Variants in SLC22A23 observed in about 807,000 individuals in gnomAD.
SLC22A23 encodes ion transporter protein.
In SLC22A23, 26 loss-of-function variants were observed where a neutral mutation model predicts 61.0. The observed-to-expected ratio is 0.43, with a 90% CI of 0.31 to 0.59. The LOEUF (loss-of-function observed/expected upper bound fraction) is 0.59. Ranked by LOEUF, SLC22A23 falls within the 20% of genes least tolerant of loss-of-function variation. The pLI, the probability that SLC22A23 is intolerant of heterozygous loss-of-function variation, is 0.11. For missense variants in SLC22A23, 796 were observed against 934.7 expected (o/e 0.85, Z 1.94); for synonymous variants, 430 against 413.9 (o/e 1.04, Z -0.47).
rs1772296683 is a variant in SLC22A23 at position 3,454,475 on chromosome 6, C to A, written c.654+1431G>T. Among the ~76,000 whole-genome samples the A allele has an allele frequency of 6.6e-6, 1 of 152,210 alleles. No homozygotes were observed. Among genetic ancestry groups the A allele is most frequent in the Admixed American group, 6.5e-5 (1 of 15,276 alleles). On this transcript the variant is annotated intron_variant, in intron 1 of 9. Transcript: ENST00000406686. The surrounding 1 kb of genome is among the most constrained non-coding windows in gnomAD (Gnocchi z 4.3). ...ATTCTCCCTCTGCTCTAGAAAGACACTTGAAATACTTAACAATGTTGCCAA... is the reference window on the plus strand; with the variant it reads ...ATTCTCCCTCTGCTCTAGAAAGACAATTGAAATACTTAACAATGTTGCCAA...
chr6:3,347,414 G>A (rs1199946138), intron 3 of SLC22A23, among the ~76,000 whole-genome samples: 3 of 152,050 alleles, frequency 2.0e-5, no homozygotes, highest in Non-Finnish European at 4.4e-5. Flanking sequence ...CCCCAACATT[G>A]GAGCATCATC....
At chr6:3,406,489 C>T (rs1768836561) in intron 3 of SLC22A23, among the ~76,000 whole-genome samples, 1 of 151,934 alleles carries the variant, frequency 6.6e-6, no homozygotes. Flanking sequence ...TTTCTTGGTC[C>T]GTGCCCCTCG....
At position 3,299,137 on chromosome 6, in the gene SLC22A23, TA is replaced by T. The variant is rs1399561515; in HGVS notation, c.1083-920del. Among the ~76,000 whole-genome samples the T allele has an allele frequency of 7.9e-5, 12 of 152,218 alleles. No homozygotes were observed. The East Asian group carries it at 2.1e-3, about 27-fold the overall frequency. On this transcript the variant is annotated intron_variant, in intron 4 of 9. Coordinates refer to ENST00000406686, the MANE Select transcript of SLC22A23 (RefSeq NM_015482.2). ...GATTACTATGTGTCAATTACAAAAATAAAAAAATAATTTAACAAATGTAACA... is the reference window on the plus strand; with the variant it reads ...GATTACTATGTGTCAATTACAAAAATAAAAAATAATTTAACAAATGTAACA...
At chr6:3,397,207 A>G (rs1414792153) in intron 3 of SLC22A23, among the ~76,000 whole-genome samples, 1 of 152,250 alleles carries the variant, frequency 6.6e-6, no homozygotes, top group Non-Finnish European at 1.5e-5. Context: ...ATGTAACCTT[A>G]GGCAAGTTAC....
intron 3 of SLC22A23, among the ~76,000 whole-genome samples, chr6:3,398,275 C>T (rs973886510): frequency 6.6e-6 from 1 of 152,026 alleles, no homozygotes; most frequent in Non-Finnish European, 1.5e-5. Flanking sequence ...TAACCCTACC[C>T]CCAACCCTGA....
At chr6:3,384,170 T>C (rs530192203) in intron 3 of SLC22A23, among the ~76,000 whole-genome samples, 1 of 152,364 alleles carries the variant, frequency 6.6e-6, no homozygotes, top group East Asian at 1.9e-4. Context: ...TGACTTTTAG[T>C]ACATTGAATT....
chr6:3,452,599 T>TTA (rs1772205027), intron 1 of SLC22A23, among the ~76,000 whole-genome samples: 2 of 40,536 alleles, frequency 4.9e-5, no homozygotes, highest in Non-Finnish European at 8.2e-5. Context: ...AGACGCTGTC[T>TTA]AAAAAAAAAA....
chr6:3,280,415 C>G (rs1398280364), intron 9 of SLC22A23, among the ~76,000 whole-genome samples: 1 of 151,444 alleles, frequency 6.6e-6, no homozygotes, highest in Non-Finnish European at 1.5e-5. Flanking sequence ...ACAGGCGCTG[C>G]CGGCATGGGA....
chr6:3,310,570 A>T (rs979284657), intron 4 of SLC22A23, among the ~76,000 whole-genome samples: 1 of 152,182 alleles, frequency 6.6e-6, no homozygotes, highest in African/African-American at 2.4e-5. Context: ...AGCCCGTCTG[A>T]TTTACATTTC....
Position 3,438,648 on chromosome 6 carries a change from C to T in SLC22A23, c.654+17258G>A, listed in dbSNP as rs530693292. On this transcript the variant is annotated intron_variant, in intron 1 of 9. Coordinates refer to ENST00000406686, the MANE Select transcript of SLC22A23 (RefSeq NM_015482.2). ...TAAGTACCTTTTACTTCCAAACAAACGTTTCCTTTTCTAGTAATTAACCGT... is the reference window on the plus strand; with the variant it reads ...TAAGTACCTTTTACTTCCAAACAAATGTTTCCTTTTCTAGTAATTAACCGT... The T allele has an allele frequency of 5.8e-4, 234 of 401,192 alleles. 5 individuals are homozygous for T. The highest frequency in any genetic ancestry group is 4.3e-3 in the South Asian group (231 of 53,696). The allele number at this position is 401,192 out of a possible 1,614,324, so 24.9% of individuals were successfully genotyped here.
rs192747361 is a variant in SLC22A23 at position 3,386,478 on chromosome 6, G to T, written c.913+23710C>A. 6.6e-6 allele frequency among the ~76,000 whole-genome samples: 1 copy of T among 152,316 alleles called. No homozygotes were observed. Among genetic ancestry groups the T allele is most frequent in the African/African-American group, 2.4e-5 (1 of 41,576 alleles). ...CAAGAAGTTGGCTTCTCTGGAAAGT[G>T]GGGGAGGGTCTGAATAAAGCAGCCA... On this transcript the variant is annotated intron_variant, in intron 3 of 9. Coordinates refer to ENST00000406686, the MANE Select transcript of SLC22A23 (RefSeq NM_015482.2). This position sits in a 1 kb window ranked among gnomAD's most constrained non-coding sequence, Gnocchi z 4.4.
At chr6:3,401,164 A>G (rs1768360512) in intron 3 of SLC22A23, among the ~76,000 whole-genome samples, 1 of 152,240 alleles carries the variant, frequency 6.6e-6, no homozygotes, top group Non-Finnish European at 1.5e-5. Context: ...CAACATGGCA[A>G]AACCCCGTCT....
chr6:3,358,372 A>G (rs1765239087), intron 3 of SLC22A23, among the ~76,000 whole-genome samples: 1 of 152,236 alleles, frequency 6.6e-6, no homozygotes, highest in Admixed American at 6.5e-5. Context: ...AGTGAAAAAT[A>G]CAATAGAATA....
At chr6:3,306,586 G>C (rs1219095072) in intron 4 of SLC22A23, among the ~76,000 whole-genome samples, 1 of 152,198 alleles carries the variant, frequency 6.6e-6, no homozygotes, top group Admixed American at 6.5e-5. Context: ...AGGCTGACTG[G>C]AGAGACTGTC....
chr6:3,361,553 G>A (rs1014334882), intron 3 of SLC22A23, among the ~76,000 whole-genome samples: 1 of 152,168 alleles, frequency 6.6e-6, no homozygotes, highest in Non-Finnish European at 1.5e-5. Context: ...AAAACTCTGG[G>A]GTTCGACTCT....
Position 3,416,727 on chromosome 6 carries a change from G to T in SLC22A23, c.655-872C>A, listed in dbSNP as rs550723889. On this transcript the variant is annotated intron_variant, in intron 1 of 9. Coordinates refer to ENST00000406686, the MANE Select transcript of SLC22A23 (RefSeq NM_015482.2). ...AGGCCATGGAGACACAGAGCCGGGG[G>T]TCTAGATGCCCCTGCTTCTGCTGCA... Among the ~76,000 whole-genome samples the T allele has an allele frequency of 5.9e-5, 9 of 152,344 alleles. No homozygotes were observed. In the Middle Eastern group the frequency reaches 0.014, roughly 230 times the overall value.
At chr6:3,291,710 A>C (rs1760611715) in intron 5 of SLC22A23, 1 of 152,272 alleles carries the variant, frequency 6.6e-6, no homozygotes, top group Admixed American at 6.5e-5. Context: ...CATGGTTAAC[A>C]GAAAACCTTG....
At chr6:3,407,921 A>G (rs1173553542) in intron 3 of SLC22A23, among the ~76,000 whole-genome samples, 2 of 152,258 alleles carry the variant, frequency 1.3e-5, no homozygotes, top group Non-Finnish European at 2.9e-5. Flanking sequence ...AAACTAGGAG[A>G]GAGGTCAGAA....
chr6:3,355,065 CA>C (rs1243956711), intron 3 of SLC22A23, among the ~76,000 whole-genome samples: 1 of 151,690 alleles, frequency 6.6e-6, no homozygotes, highest in African/African-American at 2.4e-5. Context: ...TTTATAAAAA[CA>C]CAAACAAAAA....
Sources: allele counts gnomAD v4.1 joint callset (sites outside exome capture counted in the v4.1 genomes callset), GRCh38; gene constraint gnomAD v4.1.1; non-coding constraint Gnocchi (gnomAD v3.1); transcripts MANE v1.5; gene names NCBI Gene and HGNC (gene_info 2026-07-23, HGNC 2026-07-21).